PPP1R12B: variants seen among roughly 807,000 people sequenced by gnomAD.
The protein encoded by PPP1R12B is protein phosphatase 1 regulatory subunit 12B, also known as myosin phosphatase target subunit 2.
A neutral mutation model predicts 126.1 loss-of-function variants in PPP1R12B; 76 were observed. The ratio of observed to expected loss-of-function variants is 0.60; its 90% CI spans 0.50 to 0.73. PPP1R12B has a LOEUF of 0.73. Among genes scored for constraint, PPP1R12B ranks in the 30% least tolerant of loss-of-function variants. The pLI is 0.00. For missense variants in PPP1R12B, 1,052 were observed against 1,205.1 expected, an observed-to-expected ratio of 0.87 and a Z score of 1.88; for synonymous variants, 356 against 434.7, an observed-to-expected ratio of 0.82 and a Z score of 2.25.
chr1:202,387,827 G>C (rs542000561), intron 1 of PPP1R12B, among the ~76,000 whole-genome samples: 1 of 152,072 alleles, frequency 6.6e-6, no homozygotes, highest in Non-Finnish European at 1.5e-5. Context: ...CTGAATAGCA[G>C]ATTTGGGAAG....
At chr1:202,579,321 C>G (rs1476631836) in intron 23 of PPP1R12B, among the ~76,000 whole-genome samples, 3 of 152,222 alleles carry the variant, frequency 2.0e-5, no homozygotes, top group Non-Finnish European at 4.4e-5. Flanking sequence ...AACACCTCAG[C>G]ACAGGTCACC....
intron 13 of PPP1R12B, among the ~76,000 whole-genome samples, chr1:202,477,480 TA>T: frequency 6.6e-6 from 1 of 152,200 alleles, no homozygotes. Flanking sequence ...AAAGACAGTT[TA>T]GGTCTTTTAT....
rs988255120 is a variant in PPP1R12B at position 202,587,084 on chromosome 1, A to T, written c.*6524A>T. 7 of 152,112 alleles carry T rather than the reference A, an allele frequency of 4.6e-5. No homozygotes were observed. Among genetic ancestry groups the T allele is most frequent in the Non-Finnish European group, 8.8e-5 (6 of 68,022 alleles). The allele number at this position is 152,112 out of a possible 1,614,324, so 9.4% of individuals were successfully genotyped here. On this transcript the variant is annotated 3_prime_UTR_variant, in exon 24 of 24. Coordinates refer to ENST00000608999, the MANE Select transcript of PPP1R12B (RefSeq NM_002481.4). ...ATTCATCTGCTTATTTTGGACCATG[A>T]ATCTGCCAGAGTGATATTTTCTGTT...
intron 13 of PPP1R12B, among the ~76,000 whole-genome samples, chr1:202,469,929 G>A (rs1675604050): frequency 1.3e-5 from 2 of 152,098 alleles, no homozygotes; most frequent in Non-Finnish European, 2.9e-5. Context: ...GCTTTTTTAG[G>A]GGTAGGAGAT....
At chr1:202,567,546 ATAC>A in intron 21 of PPP1R12B, 1 of 517,456 alleles carries the variant, frequency 1.9e-6, no homozygotes, top group Non-Finnish European at 3.4e-6. Flanking sequence ...ATTTCAGGGA[ATAC>A]TACTACTGCC....
At chr1:202,568,829 CA>C (rs771916519) in intron 22 of PPP1R12B, among the ~76,000 whole-genome samples, 5 of 152,198 alleles carry the variant, frequency 3.3e-5, no homozygotes, top group Admixed American at 6.5e-5. Flanking sequence ...CACTTGCAGA[CA>C]TTTGAAATTC....
intron 13 of PPP1R12B, among the ~76,000 whole-genome samples, chr1:202,453,113 G>A (rs766704257): frequency 1.3e-5 from 2 of 152,034 alleles, no homozygotes; most frequent in Non-Finnish European, 2.9e-5. Context: ...AATAGCTGTG[G>A]GTTTGTCATA....
intron 18 of PPP1R12B, chr1:202,502,100 T>A (rs1483271956): frequency 1.0e-6 from 1 of 985,632 alleles, no homozygotes; most frequent in Non-Finnish European, 1.2e-6. Context: ...TGGCACTCAA[T>A]CTGAACAAAA....
At chr1:202,470,446 C>T (rs995334302) in intron 13 of PPP1R12B, among the ~76,000 whole-genome samples, 1 of 151,982 alleles carries the variant, frequency 6.6e-6, no homozygotes, top group African/African-American at 2.4e-5. Flanking sequence ...AGTTTCTAAC[C>T]TTAACTTTTA....
At chr1:202,427,590 A>T (rs1489541105) in intron 5 of PPP1R12B, among the ~76,000 whole-genome samples, 3 of 152,166 alleles carry the variant, frequency 2.0e-5, no homozygotes, top group Non-Finnish European at 4.4e-5. Context: ...ATTCGGTCTC[A>T]CTTCAAACAA....
At chr1:202,540,898 A>T (rs559056936) in intron 18 of PPP1R12B, among the ~76,000 whole-genome samples, 1 of 152,106 alleles carries the variant, frequency 6.6e-6, no homozygotes, top group Non-Finnish European at 1.5e-5. Context: ...AGCTGTATGG[A>T]GGTGTTTGTG....
chr1:202,380,085 C>G (rs930177591), intron 1 of PPP1R12B, among the ~76,000 whole-genome samples: 6 of 152,032 alleles, frequency 3.9e-5, no homozygotes, highest in Admixed American at 3.9e-4. Flanking sequence ...TGTTATTTGC[C>G]ATCTCCTGAG....
chr1:202,401,079 G>C (rs1665753686), intron 1 of PPP1R12B, among the ~76,000 whole-genome samples: 1 of 152,204 alleles, frequency 6.6e-6, no homozygotes. Context: ...CCCAGCTATA[G>C]TCGTTGGTTT....
intron 1 of PPP1R12B, among the ~76,000 whole-genome samples, chr1:202,360,396 T>A (rs1657947486): frequency 6.6e-6 from 1 of 152,118 alleles, no homozygotes; most frequent in African/African-American, 2.4e-5. Flanking sequence ...TCTAATTGGG[T>A]TACCAGTGAT....
intron 1 of PPP1R12B, among the ~76,000 whole-genome samples, chr1:202,384,540 A>C (rs1034720141): frequency 2.0e-5 from 3 of 152,222 alleles, no homozygotes; most frequent in African/African-American, 7.2e-5. Flanking sequence ...ATAGTTGCTA[A>C]GGGCTTGGGG....
At chr1:202,460,921 A>G (rs1674231146) in intron 13 of PPP1R12B, among the ~76,000 whole-genome samples, 1 of 152,198 alleles carries the variant, frequency 6.6e-6, no homozygotes, top group Non-Finnish European at 1.5e-5. Flanking sequence ...TCAGTGTCAT[A>G]TGGCACCTCT....
chr1:202,588,613 C>T lies in PPP1R12B; in HGVS notation c.*8053C>T, dbSNP rs1689965029. ...AGAGCATGGGATTTCTAGAATCTCA[C>T]ATCTGGGGCAGCCTCTTCTGATTTT... On this transcript the variant is annotated 3_prime_UTR_variant, in exon 24 of 24. Transcript: ENST00000608999. 6.6e-6 allele frequency: 1 copy of T among 152,498 alleles called. No individual in the cohort carries two copies. Among genetic ancestry groups the T allele is most frequent in the Non-Finnish European group, 1.5e-5 (1 of 68,016 alleles). 9.4% of individuals were successfully genotyped at this position (152,498 alleles called of 1,614,324 possible).
At chr1:202,424,728 T>TGTATAATGGG (rs1669273075) in intron 3 of PPP1R12B, among the ~76,000 whole-genome samples, 2 of 152,206 alleles carry the variant, frequency 1.3e-5, no homozygotes. Context: ...TTTATTATTT[T>TGTATAATGGG]GTATAATGGG....
At chr1:202,445,320 T>A in intron 12 of PPP1R12B, 2 of 1,076,530 alleles carry the variant, frequency 1.9e-6, no homozygotes, top group Non-Finnish European at 2.4e-6. Flanking sequence ...ACTTTATCAC[T>A]ATAAAAACAA....
Sources: gnomAD v4.1 joint callset for allele counts (sites outside exome capture counted in the v4.1 genomes callset) on GRCh38, gnomAD v4.1.1 for gene constraint, MANE v1.5 for transcripts, NCBI Gene and HGNC (gene_info 2026-07-23, HGNC 2026-07-21) for gene names.